Variants in CSNK1G3 observed in about 807,000 individuals in gnomAD.
The protein encoded by CSNK1G3 is casein kinase 1 gamma 3, also known as casein kinase I isoform gamma-3.
CSNK1G3 carries 23 observed loss-of-function variants against 64.3 expected under a neutral mutation model. The ratio of observed to expected loss-of-function variants is 0.36; its 90% CI spans 0.26 to 0.51. CSNK1G3 has a LOEUF of 0.51. CSNK1G3 is among the 20% of genes least tolerant of loss of function. CSNK1G3 has a pLI of 0.96. For synonymous variants in CSNK1G3, 158 were observed against 162.2 expected (o/e 0.97, Z 0.20); for missense variants, 357 against 510.5 (o/e 0.70, Z 2.90).
chr5:123,516,032 A>G (rs1327296511), intron 1 of CSNK1G3, among the ~76,000 whole-genome samples: 1 of 152,136 alleles, frequency 6.6e-6, no homozygotes, highest in African/African-American at 2.4e-5. Context: ...TAAGCCACCA[A>G]TGATCTGTTT....
rs767861396 is a variant in CSNK1G3, at chr5:123,553,091, T to G, written c.179-16T>G. 1.2e-5 allele frequency: 16 copies of G among 1,341,136 alleles called. No homozygotes were observed. The highest frequency in any genetic ancestry group is 1.4e-5 in the Non-Finnish European group (14 of 988,326). 83.1% of individuals were successfully genotyped at this position (1,341,136 alleles called of 1,614,324 possible). ...ATCAATTACTGGCAGAATCTGATTTTTTTTTCTTTTTCAAGGGAAAAATTT... is the reference window on the plus strand; with the variant it reads ...ATCAATTACTGGCAGAATCTGATTTGTTTTTCTTTTTCAAGGGAAAAATTT... On this transcript the variant is annotated splice_polypyrimidine_tract_variant and intron_variant, in intron 2 of 12. Transcript: ENST00000345990.
chr5:123,558,652 G>A (rs1785085162), intron 4 of CSNK1G3, among the ~76,000 whole-genome samples: 2 of 152,126 alleles, frequency 1.3e-5, no homozygotes, highest in Non-Finnish European at 2.9e-5. Flanking sequence ...AAATGTTGTA[G>A]TAATGTGTTC....
intron 8 of CSNK1G3, among the ~76,000 whole-genome samples, chr5:123,590,157 A>C (rs1159086773): frequency 1.3e-5 from 2 of 152,120 alleles, no homozygotes; most frequent in Non-Finnish European, 2.9e-5. Context: ...TGAAAATTTT[A>C]GCTTTTCCTA....
chr5:123,538,313 G>A (rs1017804871), intron 1 of CSNK1G3, among the ~76,000 whole-genome samples: 1 of 152,078 alleles, frequency 6.6e-6, no homozygotes. Context: ...GAGAGTTCCA[G>A]TTCTTCATTC....
At chr5:123,559,692 ATTTTTTGTGGTT>A (rs1388828876) in intron 4 of CSNK1G3, among the ~76,000 whole-genome samples, 1 of 126,004 alleles carries the variant, frequency 7.9e-6, no homozygotes, top group Non-Finnish European at 1.7e-5. Flanking sequence ...ATTTGGGCAT[ATTTTTTGTGGTT>A]TTTTTTTTTT....
Position 123,515,853 on chromosome 5 carries a change from G to A in CSNK1G3, c.-248+3283G>A, listed in dbSNP as rs746677625. Among the ~76,000 whole-genome samples, 4 of 152,058 alleles carry A rather than the reference G, an allele frequency of 2.6e-5. No homozygotes were observed. In the East Asian group the frequency reaches 7.7e-4, roughly 29 times the overall value. On this transcript the variant is annotated intron_variant, in intron 1 of 12. Transcript: ENST00000345990. ...CTATAATTTATTAAGTGCCTACTTTGTATAGAGGCCATAAATGATACTATT... is the reference window on the plus strand; with the variant it reads ...CTATAATTTATTAAGTGCCTACTTTATATAGAGGCCATAAATGATACTATT...
chr5:123,540,686 G>A (rs1342779943), intron 1 of CSNK1G3, among the ~76,000 whole-genome samples: 1 of 152,086 alleles, frequency 6.6e-6, no homozygotes, highest in Admixed American at 6.5e-5. Flanking sequence ...AGGCTGCAGT[G>A]CAGTGACATG....
intron 10 of CSNK1G3, 43 bp from the exon 12 acceptor site, chr5:123,604,681 T>G: frequency 1.0e-6 from 1 of 970,880 alleles, no homozygotes; most frequent in Non-Finnish European, 1.6e-6. Context: ...TATGAGCATG[T>G]GTGTGTACAT....
intron 6 of CSNK1G3, among the ~76,000 whole-genome samples, chr5:123,581,475 T>G (rs1027164846): frequency 6.6e-6 from 1 of 151,360 alleles, no homozygotes; most frequent in Non-Finnish European, 1.5e-5. Flanking sequence ...GATTTACTTC[T>G]TTTGACCTTG....
intron 1 of CSNK1G3, among the ~76,000 whole-genome samples, chr5:123,519,880 C>G (rs922500224): frequency 2.0e-5 from 3 of 152,146 alleles, no homozygotes; most frequent in African/African-American, 7.2e-5. Context: ...AATTAGGAGG[C>G]CATAATAATC....
At chr5:123,525,260 G>A (rs1778838434) in intron 1 of CSNK1G3, among the ~76,000 whole-genome samples, 1 of 150,250 alleles carries the variant, frequency 6.7e-6, no homozygotes, top group Non-Finnish European at 1.5e-5. Flanking sequence ...ACATGGGAGA[G>A]CCTTGATTAA....
At chr5:123,545,577 C>T (rs1782389429) in exon 2 of CSNK1G3, 1 of 1,034,090 alleles carries the variant, frequency 9.7e-7, no homozygotes, top group Admixed American at 2.3e-5. Flanking sequence ...GGTACAGTTA[C>T]CTAGTGATGT....
At position 123,597,109 on chromosome 5, in the gene CSNK1G3, A is replaced by G. The variant is rs557232212; in HGVS notation, c.1086+5695A>G. Among the ~76,000 whole-genome samples the G allele has an allele frequency of 2.4e-4, 36 of 152,196 alleles. No individual in the cohort carries two copies. The East Asian group carries it at 5.2e-3, about 22-fold the overall frequency. On this transcript the variant is annotated intron_variant, in intron 10 of 12. Transcript: ENST00000345990. ...GAATGAAGGCAGAAAGGGAAACAAT[A>G]TGTTCTATTAATATTATTCTCATTG... is the stretch of plus-strand genomic sequence containing the variant.
chr5:123,559,419 T>C (rs1785245418), intron 4 of CSNK1G3, among the ~76,000 whole-genome samples: 1 of 152,200 alleles, frequency 6.6e-6, no homozygotes, highest in Non-Finnish European at 1.5e-5. Flanking sequence ...CTGTTTTATA[T>C]TTAAAAACTA....
chr5:123,608,363 A>T (rs926083025), intron 12 of CSNK1G3, among the ~76,000 whole-genome samples: 1 of 152,300 alleles, frequency 6.6e-6, no homozygotes, highest in East Asian at 1.9e-4. Flanking sequence ...CCATATGGAA[A>T]ATGATGGAAA....
intron 6 of CSNK1G3, among the ~76,000 whole-genome samples, chr5:123,586,101 A>C (rs1791274225): frequency 6.6e-6 from 1 of 152,220 alleles, no homozygotes; most frequent in Non-Finnish European, 1.5e-5. Flanking sequence ...ATTAAAAAGT[A>C]ATGAGCTATG....
chr5:123,515,312 C>A (rs1420891660), intron 1 of CSNK1G3, among the ~76,000 whole-genome samples: 1 of 152,026 alleles, frequency 6.6e-6, no homozygotes, highest in African/African-American at 2.4e-5. Context: ...TTCCAAAGGG[C>A]TTCCCAAAAG....
chr5:123,557,433 G>C, intron 3 of CSNK1G3, 62 bp from the exon 4 acceptor site: 2 of 1,242,730 alleles, frequency 1.6e-6, no homozygotes, highest in Non-Finnish European at 2.3e-6. Flanking sequence ...TATAACATTT[G>C]TGTTGGGACC....
chr5:123,614,517 C>CAT, exon 13 of CSNK1G3: 1 of 672,196 alleles, frequency 1.5e-6, no homozygotes, highest in Non-Finnish European at 2.4e-6. Context: ...ACAAAAATGT[C>CAT]ATACTTTCAT....
Sources: gnomAD v4.1 joint callset for allele counts (sites outside exome capture counted in the v4.1 genomes callset) on GRCh38, gnomAD v4.1.1 for gene constraint, MANE v1.5 for transcripts, NCBI Gene and HGNC (gene_info 2026-07-23, HGNC 2026-07-21) for gene names.